The following SSBP2 variants were observed in gnomAD, a reference collection of about 807,000 sequenced individuals.
SSBP2 encodes single stranded DNA binding protein 2.
Under a neutral mutation model 61.8 loss-of-function variants are expected in SSBP2, and 17 were observed. The observed-to-expected ratio is 0.28, with a 90% CI of 0.19 to 0.41. The LOEUF (loss-of-function observed/expected upper bound fraction) is 0.41, where lower values mean the gene tolerates loss of function less well. Ranked by LOEUF, SSBP2 falls within the 10% of genes least tolerant of loss-of-function variation. The pLI is 1.00. For synonymous variants in SSBP2, 139 were observed against 141.3 expected, an observed-to-expected ratio of 0.98 and a Z score of 0.12; for missense variants, 310 against 458.7, an observed-to-expected ratio of 0.68 and a Z score of 2.96.
chr5:81,521,326 G>A (rs982793685), intron 4 of SSBP2, among the ~76,000 whole-genome samples: 1 of 151,590 alleles, frequency 6.6e-6, no homozygotes, highest in African/African-American at 2.4e-5. Flanking sequence ...AATAATTTTT[G>A]ACCTTAACCT....
intron 5 of SSBP2, among the ~76,000 whole-genome samples, chr5:81,511,259 TTTTC>T (rs1768582056): frequency 6.6e-6 from 1 of 152,168 alleles, no homozygotes; most frequent in Non-Finnish European, 1.5e-5. Flanking sequence ...ACTACAGCCA[TTTTC>T]TTTCTATGCT....
intron 8 of SSBP2, among the ~76,000 whole-genome samples, chr5:81,467,515 T>A (rs955797236): frequency 2.6e-5 from 4 of 152,022 alleles, no homozygotes; most frequent in African/African-American, 9.6e-5. Context: ...CAAAATAACA[T>A]GTCCAACACA....
At chr5:81,705,238 T>A (rs985278993) in intron 1 of SSBP2, among the ~76,000 whole-genome samples, 3 of 152,128 alleles carry the variant, frequency 2.0e-5, no homozygotes, top group Non-Finnish European at 4.4e-5. Flanking sequence ...CTTGAAAATA[T>A]GTTTAACAAA....
chr5:81,690,183 A>G (rs1021463992), intron 1 of SSBP2, among the ~76,000 whole-genome samples: 3 of 152,124 alleles, frequency 2.0e-5, no homozygotes, highest in African/African-American at 7.2e-5. Flanking sequence ...AAGGAAGAAA[A>G]GAAGAAAGAG....
chr5:81,666,642 AGAGTT>A (rs1461038571), intron 1 of SSBP2, among the ~76,000 whole-genome samples: 1 of 152,240 alleles, frequency 6.6e-6, no homozygotes, highest in Non-Finnish European at 1.5e-5. Context: ...AATTATCTAT[AGAGTT>A]TAGTAAAAAT....
Position 81,536,729 on chromosome 5 carries a change from T to C in SSBP2, c.283-23012A>G, listed in dbSNP as rs532114463. Among the ~76,000 whole-genome samples, 62 of 152,240 alleles carry C rather than the reference T, an allele frequency of 4.1e-4. 1 individual carries two copies. Among genetic ancestry groups the C allele is most frequent in the Non-Finnish European group, 7.5e-4 (51 of 68,016 alleles). ...GGAAAAATTACCTTATTTTCAGATA[T>C]TGTGGTACTGAAACAGTATGTGTTG... On this transcript the variant is annotated intron_variant, in intron 4 of 16. Coordinates refer to ENST00000320672, the MANE Select transcript of SSBP2 (RefSeq NM_012446.5).
chr5:81,710,322 T>C (rs1186608954), intron 1 of SSBP2, among the ~76,000 whole-genome samples: 1 of 152,112 alleles, frequency 6.6e-6, no homozygotes, highest in Non-Finnish European at 1.5e-5. Flanking sequence ...TCTATCCTAA[T>C]ATAAATATGC....
chr5:81,473,789 C>T lies in SSBP2; in HGVS notation c.500-19G>A, dbSNP rs753043789. The T allele has an allele frequency of 7.4e-6, 12 of 1,611,700 alleles. No individual in the cohort carries two copies. Among genetic ancestry groups the T allele is most frequent in the Non-Finnish European group, 1.0e-5 (12 of 1,177,900 alleles). On this transcript the variant is annotated intron_variant, in intron 7 of 16. Transcript: ENST00000320672. The stretch of plus-strand genomic sequence containing the variant: ...GGATGTCCTAAAAAAAGTATGAAGA[C>T]ATTAGCAAAGTAATGAGCATGAGTA...
At chr5:81,437,507 ATAAAT>A (rs760826708) in intron 14 of SSBP2, 49 bp from the exon 15 acceptor site, 5 of 1,507,782 alleles carry the variant, frequency 3.3e-6, no homozygotes, top group Non-Finnish European at 4.6e-6. Flanking sequence ...GATTTCATTT[ATAAAT>A]TAAACACTCC....
chr5:81,597,376 G>A lies in SSBP2; in HGVS notation c.282+18097C>T, dbSNP rs1408120833. ...GGAAACAACAGGTGCTGGAGAGGAT[G>A]TGGAGAAATAGGGACACTTTTACAC... On this transcript the variant is annotated intron_variant, in intron 4 of 16. Transcript: ENST00000320672. Among the ~76,000 whole-genome samples the A allele has an allele frequency of 5.3e-5, 8 of 152,324 alleles. No homozygotes were observed. In the East Asian group the frequency reaches 1.5e-3, roughly 29 times the overall value.
intron 4 of SSBP2, among the ~76,000 whole-genome samples, chr5:81,542,573 T>C (rs1771356682): frequency 6.6e-6 from 1 of 151,916 alleles, no homozygotes; most frequent in African/African-American, 2.4e-5. Context: ...TGTATACACA[T>C]GGTATATATT....
chr5:81,570,989 T>G (rs1467801847), intron 4 of SSBP2, among the ~76,000 whole-genome samples: 1 of 152,222 alleles, frequency 6.6e-6, no homozygotes, highest in Non-Finnish European at 1.5e-5. Context: ...CTGTTTTTTG[T>G]CCTCTTCTCC....
chr5:81,629,969 C>A (rs1399109703), intron 3 of SSBP2, among the ~76,000 whole-genome samples: 1 of 152,126 alleles, frequency 6.6e-6, no homozygotes, highest in Non-Finnish European at 1.5e-5. Context: ...ATCTTTCCTG[C>A]TATTTATTCC....
At chr5:81,744,262 T>G (rs1024494477) in intron 1 of SSBP2, among the ~76,000 whole-genome samples, 1 of 152,230 alleles carries the variant, frequency 6.6e-6, no homozygotes, top group Non-Finnish European at 1.5e-5. Flanking sequence ...CTATTTAAAA[T>G]GAGATCATTT....
intron 3 of SSBP2, among the ~76,000 whole-genome samples, chr5:81,622,312 A>T (rs1437788522): frequency 2.6e-5 from 4 of 152,216 alleles, no homozygotes; most frequent in African/African-American, 9.6e-5. Context: ...CAAATGTTTT[A>T]AAGTGTTGGC....
At chr5:81,434,004 C>G (rs779217971) in intron 15 of SSBP2, among the ~76,000 whole-genome samples, 2 of 152,122 alleles carry the variant, frequency 1.3e-5, no homozygotes, top group Non-Finnish European at 2.9e-5. Context: ...TGTTCACACT[C>G]GATTCTCAAC....
At chr5:81,612,996 T>C (rs12521151) in intron 4 of SSBP2, among the ~76,000 whole-genome samples, 24,819 of 152,076 alleles carry the variant, frequency 0.16, 2,228 homozygotes, top group Non-Finnish European at 0.21. Flanking sequence ...TAGGAAATCC[T>C]ATTCATGAAA....
intron 1 of SSBP2, among the ~76,000 whole-genome samples, chr5:81,727,716 T>C (rs1755987244): frequency 6.6e-6 from 1 of 152,264 alleles, no homozygotes; most frequent in Non-Finnish European, 1.5e-5. Flanking sequence ...CATAATTCAT[T>C]CAACATTTGC....
intron 4 of SSBP2, among the ~76,000 whole-genome samples, chr5:81,586,823 C>A (rs1036851090): frequency 2.6e-5 from 4 of 151,800 alleles, no homozygotes; most frequent in Non-Finnish European, 5.9e-5. Flanking sequence ...ATGCTAAACA[C>A]CTGCTTCCCT....
Sources: allele counts gnomAD v4.1 joint callset (sites outside exome capture counted in the v4.1 genomes callset), GRCh38; gene constraint gnomAD v4.1.1; transcripts MANE v1.5; gene names NCBI Gene and HGNC (gene_info 2026-07-23, HGNC 2026-07-21).